Variants in CIITA observed in about 807,000 individuals in gnomAD.
CIITA encodes MHC class II transactivator.
CIITA carries 72 observed loss-of-function variants against 115.1 expected under a neutral mutation model. That is an observed-to-expected ratio of 0.63 (90% CI 0.52 to 0.76). The LOEUF is 0.76. Among genes scored for constraint, CIITA ranks in the 30% least tolerant of loss-of-function variants. The pLI, the probability that CIITA is intolerant of heterozygous loss-of-function variation, is 0.00. For synonymous variants in CIITA, 763 were observed against 635.6 expected (o/e 1.20, Z -3.02); for missense variants, 1,617 against 1,463.8 (o/e 1.10, Z -1.71).
chr16:10,921,684 T>C (rs1451134184), intron 16 of CIITA, among the ~76,000 whole-genome samples: 1 of 152,218 alleles, frequency 6.6e-6, no homozygotes. Context: ...TCTGACAGTT[T>C]CCACACAGTA....
At chr16:10,903,345 A>C (rs1283985133) in intron 8 of CIITA, among the ~76,000 whole-genome samples, 3 of 152,150 alleles carry the variant, frequency 2.0e-5, no homozygotes, top group Non-Finnish European at 2.9e-5. Flanking sequence ...GGATGCTTCC[A>C]CTCAAGTCCA....
upstream of CIITA, among the ~76,000 whole-genome samples, chr16:10,873,673 A>G (rs1186079479): frequency 6.6e-6 from 1 of 152,148 alleles, no homozygotes; most frequent in Non-Finnish European, 1.5e-5. Context: ...TTTCCAGAAC[A>G]ACTGTTCTTT....
chr16:10,901,403 G>T lies in CIITA; in HGVS notation c.437-111G>T. 8.5e-7 allele frequency: 1 copy of T among 1,180,588 alleles called. No individual in the cohort carries two copies. The highest frequency in any genetic ancestry group is 1.2e-6 in the Non-Finnish European group (1 of 800,366). The allele number at this position is 1,180,588 out of a possible 1,614,324, so 73.1% of individuals were successfully genotyped here. ...CGAGGGGAGGAAAATGGACCCCCAA[G>T]ACCACTACCCAGCCTTGAAGTTAAG... On this transcript the variant is annotated intron_variant, in intron 5 of 19. Transcript: ENST00000324288. The surrounding 1 kb of genome is among the most constrained non-coding windows in gnomAD (Gnocchi z 6.8).
In CIITA at chr16:10,936,080, T is replaced by C. The variant is rs1036389505; in HGVS notation, c.*12225T>C. 4 of 151,584 alleles carry C rather than the reference T, an allele frequency of 2.6e-5. No individual in the cohort carries two copies. The highest frequency in any genetic ancestry group is 7.3e-5 in the African/African-American group (3 of 41,278). The allele number at this position is 151,584 out of a possible 1,614,324, so 9.4% of individuals were successfully genotyped here. A position where few individuals can be genotyped will look rare whatever the true frequency, so the allele number is the denominator to read the frequency against. ...ATAATAACTCACTGCAGCCTTGAAC[T>C]CCCGGACTCAAGCAATCCTCCTGCC... On this transcript the variant is annotated 3_prime_UTR_variant, in exon 20 of 20. Transcript: ENST00000324288.
At position 10,879,080 on chromosome 16, in the gene CIITA, G is replaced by A. The variant is rs1477468800; in HGVS notation, c.52+1698G>A. On this transcript the variant is annotated intron_variant, in intron 1 of 19. Coordinates refer to ENST00000324288, the MANE Select transcript of CIITA (RefSeq NM_000246.4). The surrounding 1 kb of genome is among the most constrained non-coding windows in gnomAD (Gnocchi z 4.3). ...AGTCTCCTCTGTAACCCCTAAGGTC[G>A]GGCTGAGAATCGAGGCTCCGAGACT... 5.0e-6 allele frequency: 1 copy of A among 198,088 alleles called. No homozygotes were observed. The highest frequency in any genetic ancestry group is 1.0e-5 in the Non-Finnish European group (1 of 95,786). The allele number at this position is 198,088 out of a possible 1,614,324, so 12.3% of individuals were successfully genotyped here.
intron 13 of CIITA, chr16:10,914,940 G>A: frequency 7.8e-6 from 3 of 385,378 alleles, no homozygotes; most frequent in South Asian, 5.8e-5. Context: ...GGCTGCGGCG[G>A]GAGAAGGGTA....
In CIITA at chr16:10,918,493, T is replaced by C; in HGVS notation, c.3116T>C (p.Leu1039Pro). 6.2e-7 allele frequency: 1 copy of C among 1,614,150 alleles called. No homozygotes were observed. The highest frequency in any genetic ancestry group is 8.5e-7 in the Non-Finnish European group (1 of 1,180,006). ...GGTGCCTACAAACTCGCCGAGGCCC[T>C]GCCTTCGCTCGCTGCATCCCTGCTC... ...DLGAYKLAEA[L>P]PSLAASLLRL... Residue 1039 changes from leucine (L) to proline (P), a missense_variant, in exon 16 of 20, where the codon CTG becomes CCG. Transcript: ENST00000324288.
intron 1 of CIITA, among the ~76,000 whole-genome samples, chr16:10,882,555 C>CT (rs1257439088): frequency 6.6e-6 from 1 of 151,662 alleles, no homozygotes; most frequent in African/African-American, 2.4e-5. Context: ...AGAGCAAGAC[C>CT]TTTTTTTAGG....
intron 1 of CIITA, among the ~76,000 whole-genome samples, chr16:10,868,374 T>C (rs1385717751): frequency 6.6e-6 from 1 of 152,226 alleles, no homozygotes; most frequent in East Asian, 1.9e-4. Flanking sequence ...CAAATGCATT[T>C]TGGCGGCCTT....
At position 10,922,076 on chromosome 16, in the gene CIITA, A is replaced by G. The variant is rs555488790; in HGVS notation, c.3150-91A>G. 1.4e-3 allele frequency: 1,581 copies of G among 1,151,268 alleles called. 4 individuals carry two copies. The highest frequency in any genetic ancestry group is 2.4e-3 in the Admixed American group (144 of 59,394). 71.3% of individuals were successfully genotyped at this position (1,151,268 alleles called of 1,614,324 possible). ...TCCTTCCCCCAGGGATAGTGGGACC[A>G]GGCTTTTTCTGGAATCTAGGGATGG... On this transcript the variant is annotated intron_variant, in intron 16 of 19. Coordinates refer to ENST00000324288, the MANE Select transcript of CIITA (RefSeq NM_000246.4).
intron 1 of CIITA, among the ~76,000 whole-genome samples, chr16:10,890,518 C>G (rs1485502672): frequency 6.6e-6 from 1 of 152,198 alleles, no homozygotes; most frequent in African/African-American, 2.4e-5. Context: ...AACTCCTGGA[C>G]TGAGGTGATA....
At position 10,922,446 on chromosome 16, in the gene CIITA, G is replaced by C. The variant is rs753757191; in HGVS notation, c.3273G>C (p.Gln1091His). 4.3e-6 allele frequency: 7 copies of C among 1,614,214 alleles called. No homozygotes were observed. The highest frequency in any genetic ancestry group is 5.1e-6 in the Non-Finnish European group (6 of 1,180,036). Reference sequence around the variant, plus strand: ...AGTTCACGGCTGCCGGGGCCCAGCAGCTCGCTGCCAGCCTTCGGAGGTGTC... The same window carrying C: ...AGTTCACGGCTGCCGGGGCCCAGCACCTCGCTGCCAGCCTTCGGAGGTGTC... ...YNKFTAAGAQ[Q>H]LAASLRRCPH... Residue 1091 changes from glutamine (Q) to histidine (H), a missense_variant, in exon 18 of 20, where the codon CAG becomes CAC. Transcript: ENST00000324288.
At chr16:10,867,323 T>TG (rs138873735) in intron 1 of CIITA, among the ~76,000 whole-genome samples, 4,219 of 142,550 alleles carry the variant, frequency 0.03, 148 homozygotes, top group African/African-American at 0.086. Context: ...CTGTGTGTGT[T>TG]GGGGGGGGGC....
In CIITA at chr16:10,942,803, T is replaced by C. The variant is rs1042357513; in HGVS notation, n.1929T>C. 5.3e-5 allele frequency: 8 copies of C among 152,236 alleles called. No homozygotes were observed. Among genetic ancestry groups the C allele is most frequent in the African/African-American group, 1.9e-4 (8 of 41,470 alleles). The allele number at this position is 152,236 out of a possible 1,614,324, so 9.4% of individuals were successfully genotyped here. Reference sequence around the variant, plus strand: ...TGCCTCTTTGGGACTCCGTTTCTCCTTTAAAAGGAGGCGGGGTCGGGGAGG... The same window carrying C: ...TGCCTCTTTGGGACTCCGTTTCTCCCTTAAAAGGAGGCGGGGTCGGGGAGG... On this transcript the variant is annotated non_coding_transcript_exon_variant, in exon 2 of 2. Coordinates refer to the CIITA transcript ENST00000573379. This position sits in a 1 kb window ranked among gnomAD's most constrained non-coding sequence, Gnocchi z 5.0.
intron 1 of CIITA, among the ~76,000 whole-genome samples, chr16:10,869,365 C>A (rs181224645): frequency 1.8e-4 from 27 of 152,314 alleles, no homozygotes; most frequent in African/African-American, 6.5e-4. Context: ...GTTCCCTCTG[C>A]CTGGAGCACT....
In CIITA at chr16:10,907,116, A is replaced by G. The variant is rs781591156; in HGVS notation, c.1624A>G (p.Thr542Ala). The G allele has an allele frequency of 6.2e-7, 1 of 1,610,852 alleles. No homozygotes were observed. The highest frequency in any genetic ancestry group is 8.5e-7 in the Non-Finnish European group (1 of 1,179,678). Residue 542 changes from threonine to alanine, a missense_variant, in exon 11 of 20, where the codon ACC becomes GCC. Thr to Ala is a moderately conservative substitution (Grantham distance 58). Coordinates refer to ENST00000324288, the MANE Select transcript of CIITA (RefSeq NM_000246.4). This position sits in a 1 kb window ranked among gnomAD's most constrained non-coding sequence, Gnocchi z 5.0. ...CCAGAAGAAGCTGCTCCGAGGTTGC[A>G]CCCTCCTCCTCACAGCCCGGCCCCG... ...LFQKKLLRGC[T>A]LLLTARPRGR...
chr16:10,867,836 G>C (rs545084624), intron 1 of CIITA, among the ~76,000 whole-genome samples: 2 of 152,202 alleles, frequency 1.3e-5, no homozygotes, highest in East Asian at 3.9e-4. Flanking sequence ...GCTCACTACA[G>C]CCTCCATTTG....
chr16:10,941,446 A>T lies in CIITA; in HGVS notation n.572A>T. ...GTCTGGCCATTCCTGGCATCCAGTT[A>T]GACCTGGAGGAGGTGAACGGAGGAG... On this transcript the variant is annotated non_coding_transcript_exon_variant, in exon 2 of 2. Coordinates refer to the CIITA transcript ENST00000573379. The surrounding 1 kb of genome is among the most constrained non-coding windows in gnomAD (Gnocchi z 6.4). 1.0e-6 allele frequency: 1 copy of T among 982,172 alleles called. No homozygotes were observed. The highest frequency in any genetic ancestry group is 1.3e-6 in the Non-Finnish European group (1 of 746,974). 60.8% of individuals were successfully genotyped at this position (982,172 alleles called of 1,614,324 possible). A position where few individuals can be genotyped will look rare whatever the true frequency, so the allele number is the denominator to read the frequency against.
rs78666334 is a variant in CIITA, at chr16:10,907,232, C to G, written c.1740C>G (p.Arg580=). ...AGCAGGCCCAGGCATACGTGATGCG[C>G]TACTTTGAGAGCTCAGGGATGACAG... is the stretch of plus-strand genomic sequence containing the variant. The part of the protein sequence containing the change: ...SMEQAQAYVM[R]YFESSGMTEH... Residue 580 remains arginine, a synonymous_variant, in exon 11 of 20, where the codon CGC becomes CGG. Transcript: ENST00000324288. This position sits in a 1 kb window ranked among gnomAD's most constrained non-coding sequence, Gnocchi z 5.0. 183 of 1,613,528 alleles carry G rather than the reference C, an allele frequency of 1.1e-4. No individual in the cohort carries two copies. The African/African-American group carries it at 2.2e-3, about 19-fold the overall frequency.
Sources: allele counts gnomAD v4.1 joint callset (sites outside exome capture counted in the v4.1 genomes callset), GRCh38; gene constraint gnomAD v4.1.1; non-coding constraint Gnocchi (gnomAD v3.1); transcripts MANE v1.5; gene names NCBI Gene and HGNC (gene_info 2026-07-23, HGNC 2026-07-21).